BTD: variants seen among roughly 807,000 people sequenced by gnomAD.
BTD encodes the protein biocytinase.
In BTD, 13 loss-of-function variants were observed where a neutral mutation model predicts 17.7. That is an observed-to-expected ratio of 0.74 (90% CI 0.48 to 1.17). BTD has a LOEUF of 1.17. Ranked by LOEUF, BTD falls within the 50% of genes most tolerant of loss-of-function variation. The probability of loss-of-function intolerance (pLI) is 0.00; values close to 1 mark genes in which losing one functional copy is unlikely to be tolerated. For missense variants in BTD, 674 were observed against 650.4 expected (o/e 1.04, Z -0.39); for synonymous variants, 240 against 245.2 (o/e 0.98, Z 0.20).
chr3:15,668,904 A>G (rs1412704444), intron 3 of BTD: 1 of 152,668 alleles, frequency 6.6e-6, no homozygotes, highest in Non-Finnish European at 1.5e-5. Flanking sequence ...AACTTTACCC[A>G]TACCTGTAAG....
chr3:15,695,507 C>T (rs1255936787), intron 3 of BTD, among the ~76,000 whole-genome samples: 1 of 152,068 alleles, frequency 6.6e-6, no homozygotes, highest in South Asian at 2.1e-4. Context: ...TATATCTACG[C>T]TCGTTGAATT....
intron 1 of BTD, among the ~76,000 whole-genome samples, chr3:15,625,764 C>T (rs1352308742): frequency 2.0e-5 from 3 of 152,236 alleles, no homozygotes; most frequent in South Asian, 4.2e-4. Flanking sequence ...ACCGTGTTAG[C>T]CAGGATGGTC....
intron 1 of BTD, among the ~76,000 whole-genome samples, chr3:15,610,353 G>T (rs566509095): frequency 4.6e-5 from 7 of 152,326 alleles, no homozygotes; most frequent in Admixed American, 3.9e-4. Flanking sequence ...AAGCCTCTAT[G>T]TGCGGTGTTT....
intron 3 of BTD, among the ~76,000 whole-genome samples, chr3:15,661,147 TC>T (rs1217249242): frequency 6.6e-6 from 1 of 151,148 alleles, no homozygotes; most frequent in East Asian, 1.9e-4. Flanking sequence ...ATGCCTGTAA[TC>T]CCAGCTACTC....
intron 3 of BTD, among the ~76,000 whole-genome samples, chr3:15,643,574 T>C (rs1030673736): frequency 6.6e-6 from 1 of 152,086 alleles, no homozygotes; most frequent in Non-Finnish European, 1.5e-5. Flanking sequence ...AGCTATTTCA[T>C]TGTTGTAATT....
chr3:15,705,476 G>A (rs2071230970), intron 3 of BTD, among the ~76,000 whole-genome samples: 1 of 152,272 alleles, frequency 6.6e-6, no homozygotes, highest in Middle Eastern at 3.4e-3. Flanking sequence ...GTCTGTGAAA[G>A]TAGTGGTAAA....
chr3:15,652,540 G>A lies in BTD; in HGVS notation c.*7052G>A, dbSNP rs1211067027. 1.3e-5 allele frequency among the ~76,000 whole-genome samples: 2 copies of A among 152,156 alleles called. No homozygotes were observed. The highest frequency in any genetic ancestry group is 1.9e-4 in the East Asian group (1 of 5,198). On this transcript the variant is annotated 3_prime_UTR_variant, in exon 4 of 4. Coordinates refer to ENST00000643237, the MANE Select transcript of BTD (RefSeq NM_001370658.1). ...CCAGATGACCACTGCCCTGGGAAAC[G>A]ACTGCAACCTCATGAGAGACCCTGA... is the stretch of plus-strand genomic sequence containing the variant.
chr3:15,605,272 A>G (rs546516712), intron 1 of BTD, among the ~76,000 whole-genome samples: 1 of 152,378 alleles, frequency 6.6e-6, no homozygotes, highest in East Asian at 1.9e-4. Context: ...CACGTCTTAC[A>G]TGGCGACAGG....
chr3:15,720,958 C>T (rs1214532820), intron 4 of BTD: 1 of 1,613,774 alleles, frequency 6.2e-7, no homozygotes, highest in African/African-American at 1.3e-5. Flanking sequence ...AAGCTCTAAA[C>T]ACAATGCTCC....
chr3:15,631,661 G>A (rs113801324), intron 1 of BTD, among the ~76,000 whole-genome samples: 226 of 152,330 alleles, frequency 1.5e-3, no homozygotes, highest in African/African-American at 5.3e-3. Context: ...GAAATCAGAA[G>A]CAGAGCTTCT....
chr3:15,614,326 G>T (rs991134909), intron 1 of BTD, among the ~76,000 whole-genome samples: 20 of 151,760 alleles, frequency 1.3e-4, no homozygotes, highest in African/African-American at 4.8e-4. Context: ...ATATTGCCCA[G>T]GCTGGTCTTG....
In BTD at chr3:15,648,416, C is replaced by T. The variant is rs941963118; in HGVS notation, c.*2928C>T. Among the ~76,000 whole-genome samples the T allele has an allele frequency of 7.9e-5, 12 of 152,204 alleles. No individual in the cohort carries two copies. The highest frequency in any genetic ancestry group is 2.7e-4 in the African/African-American group (11 of 41,446). The stretch of plus-strand genomic sequence containing the variant: ...GAGAAAGGTCCTGGTCTCCTGGCTT[C>T]AGTCTTTCATTCCCTAACCTCCCTT... On this transcript the variant is annotated 3_prime_UTR_variant, in exon 4 of 4. Transcript: ENST00000643237.
upstream of BTD, chr3:15,601,654 A>C: frequency 6.4e-7 from 1 of 1,553,622 alleles, no homozygotes; most frequent in Non-Finnish European, 8.7e-7. Context: ...AGAGGTGAGA[A>C]TGTAAACACG....
Position 15,720,853 on chromosome 3 carries a change from CCATTGA to C in BTD, c.1016-916_1016-911del, listed in dbSNP as rs1448863062. ...CCTTTTTATTGCTCAATGGTATTCACCATTGATGTTGTTTTAACAGTGACATATGAA... is the reference window on the plus strand; with the variant it reads ...CCTTTTTATTGCTCAATGGTATTCACTGTTGTTTTAACAGTGACATATGAA... On this transcript the variant is annotated intron_variant, in intron 4 of 4. Coordinates refer to the BTD transcript ENST00000672427. 9.0e-6 allele frequency: 13 copies of C among 1,438,300 alleles called. No homozygotes were observed. In the Admixed American group the frequency reaches 2.6e-4, roughly 28 times the overall value. 89.1% of individuals were successfully genotyped at this position (1,438,300 alleles called of 1,614,324 possible).
At position 15,686,652 on chromosome 3, in the gene BTD, C is replaced by G. The variant is rs2125775457; in HGVS notation, c.400-23408C>G. Among the ~76,000 whole-genome samples the G allele has an allele frequency of 1.3e-5, 2 of 152,228 alleles. 1 individual carries two copies. The highest frequency in any genetic ancestry group is 4.1e-4 in the South Asian group (2 of 4,826). The stretch of plus-strand genomic sequence containing the variant: ...CAAAGGGATGATACCATGATTAGAC[C>G]AAGTCAATCACAAGAACCCCATTCT... On this transcript the variant is annotated intron_variant, in intron 3 of 3. Coordinates refer to the BTD transcript ENST00000672141.
At chr3:15,712,075 G>T in exon 4 of BTD, 8 of 1,226,298 alleles carry the variant, frequency 6.5e-6, no homozygotes, top group Non-Finnish European at 9.4e-6. Context: ...AAGCAGGATA[G>T]AGACCATCTA....
chr3:15,641,030 G>A (rs965210570), intron 2 of BTD, among the ~76,000 whole-genome samples: 1 of 152,192 alleles, frequency 6.6e-6, no homozygotes, highest in African/African-American at 2.4e-5. Flanking sequence ...TTCCCGGCTT[G>A]ACATTTTAAA....
At chr3:15,637,150 G>C (rs2065371840) in intron 2 of BTD, among the ~76,000 whole-genome samples, 1 of 152,138 alleles carries the variant, frequency 6.6e-6, no homozygotes. Flanking sequence ...CCTGGCATCT[G>C]TCCCCCAGGC....
chr3:15,700,764 C>A (rs1232726705), intron 3 of BTD, among the ~76,000 whole-genome samples: 1 of 152,052 alleles, frequency 6.6e-6, no homozygotes, highest in Non-Finnish European at 1.5e-5. Context: ...CAGAGTGAGA[C>A]TGCAAAAGAA....
Sources: gnomAD v4.1 joint callset for allele counts (sites outside exome capture counted in the v4.1 genomes callset) on GRCh38, gnomAD v4.1.1 for gene constraint, MANE v1.5 for transcripts, NCBI Gene and HGNC (gene_info 2026-07-23, HGNC 2026-07-21) for gene names.